Variants in CAMKMT observed in about 807,000 individuals in gnomAD.
CAMKMT encodes calmodulin-lysine N-methyltransferase.
CAMKMT carries 53 observed loss-of-function variants against 48.0 expected under a neutral mutation model. The ratio of observed to expected loss-of-function variants is 1.10; its 90% CI spans 0.89 to 1.39. CAMKMT has a LOEUF of 1.39. Ranked by LOEUF, CAMKMT falls within the 40% of genes most tolerant of loss-of-function variation. The pLI is 0.00. For missense variants in CAMKMT, 428 were observed against 402.7 expected (o/e 1.06, Z -0.54); for synonymous variants, 165 against 152.3 (o/e 1.08, Z -0.61).
At chr2:44,709,219 C>T (rs1677737114) in intron 6 of CAMKMT, among the ~76,000 whole-genome samples, 1 of 152,092 alleles carries the variant, frequency 6.6e-6, no homozygotes, top group African/African-American at 2.4e-5. Flanking sequence ...AACATTTGGT[C>T]CTCAGAAGCT....
At chr2:44,691,601 T>A (rs1676658511) in intron 3 of CAMKMT, among the ~76,000 whole-genome samples, 1 of 152,198 alleles carries the variant, frequency 6.6e-6, no homozygotes, top group South Asian at 2.1e-4. Context: ...ACATGCTCCT[T>A]ATCTGCCCTT....
At chr2:44,405,540 G>A (rs886600222) in intron 3 of CAMKMT, among the ~76,000 whole-genome samples, 7 of 151,948 alleles carry the variant, frequency 4.6e-5, no homozygotes, top group African/African-American at 9.7e-5. Context: ...TTAGGAAATC[G>A]GAACTTGAAG....
chr2:44,746,932 A>G (rs1014417764), intron 8 of CAMKMT, among the ~76,000 whole-genome samples: 3 of 152,224 alleles, frequency 2.0e-5, no homozygotes, highest in Admixed American at 1.3e-4. Flanking sequence ...TTTTTATCCA[A>G]TGAACGCTTT....
intron 7 of CAMKMT, among the ~76,000 whole-genome samples, chr2:44,722,176 C>CTTTTTTTTTTTTTTTTT (rs11323950): frequency 1.7e-5 from 2 of 115,456 alleles, no homozygotes; most frequent in Non-Finnish European, 3.6e-5. Context: ...TTTCTTTTTT[C>CTTTTTTTTTTTTTTTTT]TTTTTTTTTT....
chr2:44,405,043 A>G (rs1682683909), intron 3 of CAMKMT, among the ~76,000 whole-genome samples: 1 of 152,082 alleles, frequency 6.6e-6, no homozygotes, highest in Admixed American at 6.5e-5. Flanking sequence ...GGAGCATTGA[A>G]ATTGGGCAAT....
At chr2:44,565,072 G>C (rs1348219010) in intron 3 of CAMKMT, among the ~76,000 whole-genome samples, 1 of 152,110 alleles carries the variant, frequency 6.6e-6, no homozygotes, top group South Asian at 2.1e-4. Context: ...CTGGGTTGAG[G>C]GTTCTTCGGA....
intron 3 of CAMKMT, among the ~76,000 whole-genome samples, chr2:44,584,737 T>C (rs1381283915): frequency 1.3e-5 from 2 of 151,734 alleles, no homozygotes; most frequent in African/African-American, 4.8e-5. Context: ...AAGTGGGAAA[T>C]TGGGTGTCTG....
chr2:44,570,436 AT>A (rs1172539835), intron 3 of CAMKMT, among the ~76,000 whole-genome samples: 4 of 152,188 alleles, frequency 2.6e-5, no homozygotes, highest in African/African-American at 9.6e-5. Context: ...AGAGGAATAG[AT>A]TTATCATCTT....
At chr2:44,606,584 C>T (rs1176184142) in intron 3 of CAMKMT, among the ~76,000 whole-genome samples, 1 of 152,002 alleles carries the variant, frequency 6.6e-6, no homozygotes, top group Non-Finnish European at 1.5e-5. Flanking sequence ...CTAAATATAT[C>T]CAGCTTTTTA....
At chr2:44,635,220 A>G (rs567308238) in intron 3 of CAMKMT, among the ~76,000 whole-genome samples, 24 of 152,176 alleles carry the variant, frequency 1.6e-4, no homozygotes, top group Non-Finnish European at 2.8e-4. Context: ...AGGTGTCTAG[A>G]TAAGGATAGT....
chr2:44,362,861 T>A (rs1678085450), intron 1 of CAMKMT, among the ~76,000 whole-genome samples: 2 of 152,238 alleles, frequency 1.3e-5, no homozygotes, highest in Non-Finnish European at 2.9e-5. Flanking sequence ...ACGGAAGTTC[T>A]GATTTATGAT....
At chr2:44,445,080 C>T (rs568117755) in intron 3 of CAMKMT, among the ~76,000 whole-genome samples, 1 of 152,270 alleles carries the variant, frequency 6.6e-6, no homozygotes, top group South Asian at 2.1e-4. Flanking sequence ...TTAAGCCAAG[C>T]CTCCCATTTC....
intron 3 of CAMKMT, among the ~76,000 whole-genome samples, chr2:44,447,520 A>G (rs1667067287): frequency 1.3e-5 from 2 of 152,218 alleles, no homozygotes; most frequent in African/African-American, 4.8e-5. Flanking sequence ...TCAGTGGCTT[A>G]CAACACTAAC....
chr2:44,654,091 G>GT (rs2104050306), intron 3 of CAMKMT, among the ~76,000 whole-genome samples: 1 of 152,260 alleles, frequency 6.6e-6, no homozygotes, highest in African/African-American at 2.4e-5. Context: ...ACCAGAGAAA[G>GT]CTAGTGCCCT....
chr2:44,518,774 G>C (rs1020575229), intron 3 of CAMKMT, among the ~76,000 whole-genome samples: 1 of 152,186 alleles, frequency 6.6e-6, no homozygotes, highest in African/African-American at 2.4e-5. Context: ...GGCTTAGCTA[G>C]GTAGACGTAC....
intron 3 of CAMKMT, among the ~76,000 whole-genome samples, chr2:44,666,571 A>G (rs1198035029): frequency 6.6e-6 from 1 of 151,730 alleles, no homozygotes; most frequent in African/African-American, 2.4e-5. Flanking sequence ...ATTAGTAATA[A>G]AACTGAACTT....
chr2:44,771,529 CTT>C (rs943176297), intron 10 of CAMKMT, among the ~76,000 whole-genome samples: 1 of 152,112 alleles, frequency 6.6e-6, no homozygotes, highest in African/African-American at 2.4e-5. Flanking sequence ...TTTTGAGTGA[CTT>C]ATTATTAATG....
At chr2:44,433,734 A>C (rs1407185629) in intron 3 of CAMKMT, among the ~76,000 whole-genome samples, 1 of 152,224 alleles carries the variant, frequency 6.6e-6, no homozygotes, top group East Asian at 1.9e-4. Flanking sequence ...AAACATGCTT[A>C]CATATGGCTT....
At chr2:44,639,038 C>T (rs180712434) in intron 3 of CAMKMT, among the ~76,000 whole-genome samples, 5 of 152,160 alleles carry the variant, frequency 3.3e-5, no homozygotes, top group African/African-American at 1.2e-4. Context: ...TGAGTTACAT[C>T]GATTTCCTTT....
Sources: allele counts gnomAD v4.1 joint callset (sites outside exome capture counted in the v4.1 genomes callset), GRCh38; gene constraint gnomAD v4.1.1; transcripts MANE v1.5; gene names NCBI Gene and HGNC (gene_info 2026-07-23, HGNC 2026-07-21).